SPG7: variants seen among roughly 807,000 people sequenced by gnomAD.
SPG7 encodes the protein mitochondrial inner membrane m-AAA protease component paraplegin.
A neutral mutation model predicts 81.9 loss-of-function variants in SPG7; 103 were observed. That is an observed-to-expected ratio of 1.26 (90% CI 1.07 to 1.48). The LOEUF (loss-of-function observed/expected upper bound fraction) is 1.48, where lower values mean the gene tolerates loss of function less well. Ranked by LOEUF, SPG7 falls within the 40% of genes most tolerant of loss-of-function variation. The pLI, the probability that SPG7 is intolerant of heterozygous loss-of-function variation, is 0.00. For synonymous variants in SPG7, 534 were observed against 444.2 expected (o/e 1.20, Z -2.54); for missense variants, 1,241 against 1,087.3 (o/e 1.14, Z -1.99).
intron 3 of SPG7, chr16:89,523,285 T>A (rs1050666532): frequency 4.5e-6 from 1 of 220,952 alleles, no homozygotes; most frequent in Non-Finnish European, 9.2e-6. Flanking sequence ...TTTTCAGATG[T>A]TGTGATAACC....
intron 10 of SPG7, chr16:89,545,657 ACG>A (rs2058555052): frequency 4.1e-5 from 11 of 265,092 alleles, no homozygotes; most frequent in South Asian, 3.2e-4. Flanking sequence ...TCCAGGGGAC[ACG>A]GCTTCTCCAG....
intron 3 of SPG7, chr16:89,518,912 C>T (rs2058143848): frequency 6.6e-6 from 1 of 152,152 alleles, no homozygotes; most frequent in African/African-American, 2.4e-5. Context: ...GGCTGTGATA[C>T]TGTTCATAGT....
At chr16:89,545,621 CTG>C (rs1007594409) in intron 10 of SPG7, 5 of 242,464 alleles carry the variant, frequency 2.1e-5, no homozygotes, top group Admixed American at 1.8e-4. Flanking sequence ...CCAGGGGACA[CTG>C]TTTCTCCAGG....
chr16:89,530,657 C>A (rs751696180), intron 6 of SPG7, 26 bp from the exon 7 acceptor site: 1 of 1,614,050 alleles, frequency 6.2e-7, no homozygotes, highest in Admixed American at 1.7e-5. Context: ...TCGCCCAGCT[C>A]CTTGCACTTT....
At chr16:89,544,855 A>G (rs2058543211) in intron 10 of SPG7, 83 bp downstream of exon 10, 2 of 1,544,060 alleles carry the variant, frequency 1.3e-6, no homozygotes, top group Non-Finnish European at 1.8e-6. Flanking sequence ...CCTCTAAGAC[A>G]CTTCTTGGTG....
intron 3 of SPG7, chr16:89,514,615 C>G (rs1424530840): frequency 1.3e-5 from 2 of 152,236 alleles, no homozygotes; most frequent in Non-Finnish European, 2.9e-5. Context: ...ATTCTCCTGC[C>G]TCAGCCTCCC....
At position 89,512,974 on chromosome 16, in the gene SPG7, A is replaced by G; in HGVS notation, c.313A>G (p.Arg105Gly). Residue 105 changes from arginine to glycine, a missense_variant, in exon 3 of 17, where the codon AGG becomes GGG. Transcript: ENST00000645818. ...LGGTFYFNTS[R>G]LKQKNKEKDK... Reference sequence around the variant, plus strand: ...TGGTACTTTCTATTTTAACACCTCAAGGTTGAAGCAGAAGAATAAGGAGAA... The same window carrying G: ...TGGTACTTTCTATTTTAACACCTCAGGGTTGAAGCAGAAGAATAAGGAGAA... The G allele has an allele frequency of 6.2e-7, 1 of 1,613,298 alleles. No homozygotes were observed. Among genetic ancestry groups the G allele is most frequent in the Non-Finnish European group, 8.5e-7 (1 of 1,179,338 alleles).
In SPG7 at chr16:89,548,114, G is replaced by T. The variant is rs1555616361; in HGVS notation, c.1663+1G>T. 1 of 1,597,610 alleles carries T rather than the reference G, an allele frequency of 6.3e-7. No individual in the cohort carries two copies. The highest frequency in any genetic ancestry group is 8.5e-7 in the Non-Finnish European group (1 of 1,173,744). On this transcript the variant is annotated splice_donor_variant, in intron 12 of 16. Coordinates refer to ENST00000645818, the MANE Select transcript of SPG7 (RefSeq NM_003119.4). LOFTEE classifies it high-confidence loss of function. ...TACGCCGTGGAGCGCGTCCTCGCAGGTACAGGGGGCGCGCCCTGGGTGAAG... is the reference window on the plus strand; with the variant it reads ...TACGCCGTGGAGCGCGTCCTCGCAGTTACAGGGGGCGCGCCCTGGGTGAAG...
At chr16:89,513,156 C>G (rs1413332140) in intron 3 of SPG7, 119 bp downstream of exon 3, 1 of 1,434,060 alleles carries the variant, frequency 7.0e-7, no homozygotes, top group Admixed American at 2.0e-5. Context: ...GGTGCAGTGG[C>G]TCACACTTGT....
Position 89,553,384 on chromosome 16 carries a change from A to G in SPG7, c.1936+249A>G, listed in dbSNP as rs2152412001. 1.4e-5 allele frequency: 8 copies of G among 560,240 alleles called. No homozygotes were observed. The East Asian group carries it at 2.2e-4, about 15-fold the overall frequency. 34.7% of individuals were successfully genotyped at this position (560,240 alleles called of 1,614,324 possible). On this transcript the variant is annotated intron_variant, in intron 14 of 16. Coordinates refer to ENST00000645818, the MANE Select transcript of SPG7 (RefSeq NM_003119.4). ...ACATTTAATTGGTTAATTGTTGGTA[A>G]TGGCTACAGGAAACGGAATAAAATT...
At chr16:89,547,466 G>A (rs1039008267) in intron 11 of SPG7, 5 of 185,500 alleles carry the variant, frequency 2.7e-5, no homozygotes, top group African/African-American at 4.8e-5. Context: ...AGTGCCTGCC[G>A]CTCTCCCCAC....
chr16:89,523,341 C>A (rs2058215749), intron 3 of SPG7: 1 of 263,768 alleles, frequency 3.8e-6, no homozygotes, highest in Non-Finnish European at 7.5e-6. Context: ...GTAAAAAGTT[C>A]AGAATGGTTG....
intron 10 of SPG7, chr16:89,546,107 G>C (rs1024170456): frequency 1.2e-5 from 3 of 249,404 alleles, no homozygotes; most frequent in African/African-American, 8.0e-5. Context: ...TTTTTTTTTT[G>C]AGACAGTCTC....
intron 1 of SPG7, among the ~76,000 whole-genome samples, chr16:89,509,248 G>A (rs968965060): frequency 6.6e-6 from 1 of 151,996 alleles, no homozygotes; most frequent in African/African-American, 2.4e-5. Flanking sequence ...ACACCTTTTA[G>A]GTTGTTGTTT....
chr16:89,556,050 A>G (rs1026973023), intron 16 of SPG7: 1 of 398,812 alleles, frequency 2.5e-6, no homozygotes. Flanking sequence ...GCTCGGGCAC[A>G]TCACAGTGGG....
At chr16:89,513,156 C>A (rs1413332140) in intron 3 of SPG7, 119 bp downstream of exon 3, 2 of 1,434,060 alleles carry the variant, frequency 1.4e-6, no homozygotes, top group Non-Finnish European at 9.5e-7. Flanking sequence ...GGTGCAGTGG[C>A]TCACACTTGT....
intron 9 of SPG7, chr16:89,536,955 G>A (rs756269766): frequency 1.6e-5 from 26 of 1,614,122 alleles, no homozygotes; most frequent in Admixed American, 6.7e-5. Flanking sequence ...AAAGGCAAGC[G>A]TATATCAAAC....
At chr16:89,508,906 G>C (rs755000011) in intron 1 of SPG7, 2 of 586,432 alleles carry the variant, frequency 3.4e-6, no homozygotes, top group South Asian at 1.5e-5. Flanking sequence ...GTGGAATCCA[G>C]TAACGGTTTC....
Position 89,557,086 on chromosome 16 carries a change from C to G in SPG7, c.2381C>G (p.Pro794Arg). 1 of 1,611,074 alleles carries G rather than the reference C, an allele frequency of 6.2e-7. No homozygotes were observed. The highest frequency in any genetic ancestry group is 1.3e-5 in the African/African-American group (1 of 74,960). Residue 794 changes from proline (P) to arginine (R), a missense_variant, in exon 17 of 17, where the codon CCC becomes CGC. Coordinates refer to ENST00000645818, the MANE Select transcript of SPG7 (RefSeq NM_003119.4). ...CTTGGAGGCGAAGAGCCGACTTGGC[C>G]CAAGTAGTTGGGAGGTGTTGGCTGC... is the stretch of plus-strand genomic sequence containing the variant. ...PPLGGEEPTW[P>R]K is the part of the protein sequence containing the mutation.
Sources: allele counts gnomAD v4.1 joint callset (sites outside exome capture counted in the v4.1 genomes callset), GRCh38; gene constraint gnomAD v4.1.1; transcripts MANE v1.5; gene names NCBI Gene and HGNC (gene_info 2026-07-23, HGNC 2026-07-21).